The following PDZD2 variants were observed in gnomAD, a reference collection of about 807,000 sequenced individuals.
PDZD2 encodes the protein PDZ domain-containing protein 2.
Under a neutral mutation model 220.7 loss-of-function variants are expected in PDZD2, and 90 were observed. That is an observed-to-expected ratio of 0.41 (90% CI 0.34 to 0.49). PDZD2 has a LOEUF of 0.49. Among genes scored for constraint, PDZD2 ranks in the 20% least tolerant of loss-of-function variants. PDZD2 has a pLI of 0.28. For synonymous variants in PDZD2, 1,375 were observed against 1,450.5 expected, an observed-to-expected ratio of 0.95 and a Z score of 1.18; for missense variants, 3,174 against 3,608.5, an observed-to-expected ratio of 0.88 and a Z score of 3.08.
chr5:31,783,717 C>T (rs1360813270), intron 1 of PDZD2, among the ~76,000 whole-genome samples: 1 of 152,134 alleles, frequency 6.6e-6, no homozygotes, highest in Non-Finnish European at 1.5e-5. Flanking sequence ...GCACCTCCCT[C>T]TGAGGCCTCA....
intron 2 of PDZD2, among the ~76,000 whole-genome samples, chr5:31,939,472 C>T (rs933883712): frequency 5.3e-5 from 8 of 152,080 alleles, no homozygotes; most frequent in Admixed American, 3.3e-4. Context: ...TGCAGTGAGG[C>T]GGGCTGTGGG....
chr5:31,645,289 T>C (rs1745092826), intron 1 of PDZD2, among the ~76,000 whole-genome samples: 1 of 151,956 alleles, frequency 6.6e-6, no homozygotes, highest in Non-Finnish European at 1.5e-5. Flanking sequence ...TTGAGGTGTT[T>C]TAGCAGGAGT....
intron 6 of PDZD2, among the ~76,000 whole-genome samples, chr5:32,025,526 AAAACAAAC>A (rs148530473): frequency 0.55 from 76,734 of 140,130 alleles, 21,091 homozygotes; most frequent in South Asian, 0.64. Context: ...ACTCTGTCAC[AAAACAAAC>A]AAACAAACAA....
At chr5:31,907,068 A>G (rs1160251146) in intron 2 of PDZD2, among the ~76,000 whole-genome samples, 1 of 152,226 alleles carries the variant, frequency 6.6e-6, no homozygotes. Flanking sequence ...TTGTCTTGTT[A>G]TAGTGGATGA....
intron 2 of PDZD2, among the ~76,000 whole-genome samples, chr5:31,854,551 T>C (rs1758257978): frequency 6.6e-6 from 1 of 152,196 alleles, no homozygotes; most frequent in South Asian, 2.1e-4. Flanking sequence ...CTGCCGCGGA[T>C]TATGAAACGG....
chr5:31,756,294 G>T (rs140818939), intron 1 of PDZD2, among the ~76,000 whole-genome samples: 1 of 152,222 alleles, frequency 6.6e-6, no homozygotes, highest in African/African-American at 2.4e-5. Flanking sequence ...CTAAAGGCCA[G>T]TGTGCACTCA....
At chr5:31,640,150 A>G (rs891612631) in intron 1 of PDZD2, among the ~76,000 whole-genome samples, 1 of 152,016 alleles carries the variant, frequency 6.6e-6, no homozygotes, top group Non-Finnish European at 1.5e-5. Context: ...GGTCCCCGCT[A>G]TTTGGAAAAT....
chr5:31,908,101 A>AG (rs2150364861), intron 2 of PDZD2, among the ~76,000 whole-genome samples: 1 of 148,728 alleles, frequency 6.7e-6, no homozygotes, highest in East Asian at 1.9e-4. Context: ...AAAAAAAAAA[A>AG]AAAAAAAGAA....
rs5867122 is a variant in PDZD2, at chr5:31,949,838, A to AT, written c.477-33299dup. Among the ~76,000 whole-genome samples, 281 of 139,492 alleles carry AT rather than the reference A, an allele frequency of 2.0e-3. 2 individuals are homozygous for AT. Among genetic ancestry groups the AT allele is most frequent in the Non-Finnish European group, 3.3e-3 (214 of 64,736 alleles). The allele number at this position is 139,492 out of a possible 152,430, so 91.5% of individuals were successfully genotyped here. ...CAGGCATGCGCTACCACACCAGCTA[A>AT]TTTTTTTTTTTTTTTTTTAATTTTT... On this transcript the variant is annotated intron_variant, in intron 2 of 24. Transcript: ENST00000438447.
At chr5:31,794,760 A>G (rs952284956) in intron 1 of PDZD2, among the ~76,000 whole-genome samples, 9 of 152,140 alleles carry the variant, frequency 5.9e-5, no homozygotes, top group Non-Finnish European at 2.9e-5. Context: ...TTGTGGGTAC[A>G]TAGCAGGTGT....
At chr5:31,797,948 C>G (rs1269774259) in intron 1 of PDZD2, among the ~76,000 whole-genome samples, 1 of 152,028 alleles carries the variant, frequency 6.6e-6, no homozygotes, top group Non-Finnish European at 1.5e-5. Context: ...TGAAAGGGAT[C>G]ACTTTTCTAT....
chr5:31,950,089 A>G (rs2111604069), intron 2 of PDZD2, among the ~76,000 whole-genome samples: 1 of 152,286 alleles, frequency 6.6e-6, no homozygotes, highest in South Asian at 2.1e-4. Context: ...GACTTCTCTT[A>G]ATGCAGTCAA....
chr5:31,675,995 C>T (rs962047026), intron 1 of PDZD2, among the ~76,000 whole-genome samples: 2 of 152,186 alleles, frequency 1.3e-5, no homozygotes, highest in African/African-American at 4.8e-5. Flanking sequence ...AGCCACCGTG[C>T]CCAGCCTCCT....
intron 1 of PDZD2, among the ~76,000 whole-genome samples, chr5:31,791,959 T>G (rs181627202): frequency 2.1e-3 from 313 of 152,184 alleles, no homozygotes; most frequent in Non-Finnish European, 3.4e-3. Flanking sequence ...GACACAGGGG[T>G]TTATTTTTCC....
intron 2 of PDZD2, among the ~76,000 whole-genome samples, chr5:31,853,443 G>C (rs1035406135): frequency 6.6e-6 from 1 of 152,136 alleles, no homozygotes; most frequent in African/African-American, 2.4e-5. Flanking sequence ...GACACTCCTT[G>C]CCTGTTTCTG....
chr5:31,728,389 A>G (rs903970340), intron 1 of PDZD2, among the ~76,000 whole-genome samples: 7 of 152,274 alleles, frequency 4.6e-5, no homozygotes, highest in African/African-American at 1.7e-4. Context: ...TCCTTGTTAC[A>G]TTAAAAAAAA....
At chr5:31,726,894 G>T (rs1378978074) in intron 1 of PDZD2, among the ~76,000 whole-genome samples, 3 of 152,198 alleles carry the variant, frequency 2.0e-5, no homozygotes, top group African/African-American at 4.8e-5. Context: ...TTGTAGTTCT[G>T]CAGGCTTTAC....
chr5:31,686,177 T>C (rs1410902896), intron 1 of PDZD2, among the ~76,000 whole-genome samples: 1 of 151,708 alleles, frequency 6.6e-6, no homozygotes, highest in Non-Finnish European at 1.5e-5. Flanking sequence ...TGAGCCGAGA[T>C]TGTGCCACTG....
rs397997277 is a variant in PDZD2 at position 31,823,154 on chromosome 5, C to CA, written c.476+23458dup. 255 of 105,450 alleles carry CA rather than the reference C, an allele frequency of 2.4e-3. 32 individuals carry two copies. Among genetic ancestry groups the CA allele is most frequent in the African/African-American group, 0.01 (239 of 23,022 alleles). The allele number at this position is 105,450 out of a possible 1,614,324, so 6.5% of individuals were successfully genotyped here. ...GTCTTCATTCTCGCAGTAGACGTGG[C>CA]AAAAAAAAAAAAAAAAAAAAAAAAA... On this transcript the variant is annotated intron_variant, in intron 2 of 24. Transcript: ENST00000438447.
Sources: gnomAD v4.1 joint callset for allele counts (sites outside exome capture counted in the v4.1 genomes callset) on GRCh38, gnomAD v4.1.1 for gene constraint, MANE v1.5 for transcripts, NCBI Gene and HGNC (gene_info 2026-07-23, HGNC 2026-07-21) for gene names.